Variants in SMAD9 observed in about 807,000 individuals in gnomAD.
SMAD9 encodes the protein MAD homolog 9.
A neutral mutation model predicts 46.1 loss-of-function variants in SMAD9; 36 were observed. The observed-to-expected ratio is 0.78, with a 90% CI of 0.60 to 1.03. SMAD9 has a LOEUF of 1.03. Ranked by LOEUF, SMAD9 falls within the 50% of genes least tolerant of loss-of-function variation. The pLI is 0.00. For missense variants in SMAD9, 572 were observed against 599.8 expected (o/e 0.95, Z 0.48); for synonymous variants, 245 against 237.1 (o/e 1.03, Z -0.31).
chr13:36,920,031 A>T (rs1239949003), intron 1 of SMAD9, 85 bp downstream of exon 1: 1 of 147,896 alleles, frequency 6.8e-6, no homozygotes, highest in African/African-American at 2.5e-5. Flanking sequence ...CGTGCCACTC[A>T]TCCCTCCCCC....
At position 36,845,579 on chromosome 13, in the gene SMAD9, T is replaced by G. The variant is rs2058034029; in HGVS notation, c.*3097A>C. On this transcript the variant is annotated 3_prime_UTR_variant, in exon 7 of 7. Transcript: ENST00000379826. ...GTGTGCTGCAGTGCTGATGTATTTATAGGCTTAGCATGTCTGCTTTATTAG... is the reference window on the plus strand; with the variant it reads ...GTGTGCTGCAGTGCTGATGTATTTAGAGGCTTAGCATGTCTGCTTTATTAG... The G allele has an allele frequency of 6.6e-6, 1 of 152,220 alleles. No homozygotes were observed. The highest frequency in any genetic ancestry group is 6.5e-5 in the Admixed American group (1 of 15,282). 9.4% of individuals were successfully genotyped at this position (152,220 alleles called of 1,614,324 possible).
At chr13:36,864,962 T>C (rs515221) in intron 5 of SMAD9, among the ~76,000 whole-genome samples, 33,703 of 152,074 alleles carry the variant, frequency 0.22, 4,773 homozygotes, top group African/African-American at 0.4. Context: ...TGGGATTTGC[T>C]ACCATCACTC....
upstream of SMAD9, chr13:36,920,698 A>G (rs1484358280): frequency 6.6e-6 from 1 of 152,348 alleles, no homozygotes; most frequent in Non-Finnish European, 1.5e-5. Context: ...CAACAAGAAT[A>G]TAGGATCACC....
Position 36,856,465 on chromosome 13 carries a change from C to T in SMAD9, c.1004-2790G>A, listed in dbSNP as rs1016383513. ...GAGCCTGGGCAGGTAGGCAGTCGTC[C>T]AGCATCCAGAGAGAGAAGAGCAGAG... On this transcript the variant is annotated intron_variant, in intron 5 of 6. Coordinates refer to ENST00000379826, the MANE Select transcript of SMAD9 (RefSeq NM_001127217.3). 3.4e-4 allele frequency among the ~76,000 whole-genome samples: 51 copies of T among 152,184 alleles called. 4 individuals carry two copies.
intron 3 of SMAD9, 134 bp from the exon 4 acceptor site, chr13:36,867,517 G>A (rs1293081610): frequency 3.6e-6 from 2 of 562,776 alleles, no homozygotes; most frequent in Non-Finnish European, 6.3e-6. Context: ...CCATATTAAT[G>A]TAACAAGGCT....
Position 36,848,555 on chromosome 13 carries a change from A to G in SMAD9, c.*121T>C. On this transcript the variant is annotated 3_prime_UTR_variant, in exon 7 of 7. Transcript: ENST00000379826. ...CAAACGGTGATTAAAAAAAATAAGA[A>G]CAGTATACATTCTATGTATTTACAC... 1 of 965,208 alleles carries G rather than the reference A, an allele frequency of 1.0e-6. No homozygotes were observed. Among genetic ancestry groups the G allele is most frequent in the Non-Finnish European group, 1.7e-6 (1 of 596,984 alleles). The allele number at this position is 965,208 out of a possible 1,614,324, so 59.8% of individuals were successfully genotyped here.
chr13:36,914,866 G>C (rs778709483), intron 1 of SMAD9, among the ~76,000 whole-genome samples: 63 of 152,328 alleles, frequency 4.1e-4, no homozygotes, highest in African/African-American at 1.4e-3. Context: ...CAAATCTGCT[G>C]TAAGCTTTCC....
rs554802536 is a variant in SMAD9 at position 36,883,922 on chromosome 13, C to T, written c.-186-4047G>A. ...TCATGCTGTCTCTCTGGACTTCACC[C>T]CCTCCTCATTTGCAGATCAAGACAA... On this transcript the variant is annotated intron_variant, in intron 1 of 6. Coordinates refer to ENST00000379826, the MANE Select transcript of SMAD9 (RefSeq NM_001127217.3). Among the ~76,000 whole-genome samples the T allele has an allele frequency of 1.2e-3, 185 of 152,196 alleles. No homozygotes were observed. The South Asian group carries it at 0.017, about 14-fold the overall frequency.
rs188997771 is a variant in SMAD9, at chr13:36,848,224, A to G, written c.*452T>C. ...TTTCTTGCCAACAGCACTAAAAGTG[A>G]CATCATTTAAACTGTAGGGGTTTCA... is the stretch of plus-strand genomic sequence containing the variant. On this transcript the variant is annotated 3_prime_UTR_variant, in exon 7 of 7. Transcript: ENST00000379826. The G allele has an allele frequency of 6.2e-6, 1 of 162,154 alleles. No individual in the cohort carries two copies. Among genetic ancestry groups the G allele is most frequent in the Admixed American group, 5.9e-5 (1 of 17,032 alleles). 10.0% of individuals were successfully genotyped at this position (162,154 alleles called of 1,614,324 possible). A position where few individuals can be genotyped will look rare whatever the true frequency, so the allele number is the denominator to read the frequency against.
intron 5 of SMAD9, among the ~76,000 whole-genome samples, chr13:36,864,512 C>A (rs1049876751): frequency 1.3e-5 from 2 of 152,174 alleles, no homozygotes; most frequent in Non-Finnish European, 2.9e-5. Context: ...CCCCTCCCCT[C>A]GACCCGTTTC....
At chr13:36,909,101 T>A (rs773422478) in intron 1 of SMAD9, among the ~76,000 whole-genome samples, 1 of 152,234 alleles carries the variant, frequency 6.6e-6, no homozygotes, top group Non-Finnish European at 1.5e-5. Context: ...TTGGATATCA[T>A]TTTTAAAGTT....
At chr13:36,913,785 A>G (rs1348618735) in intron 1 of SMAD9, among the ~76,000 whole-genome samples, 3 of 152,228 alleles carry the variant, frequency 2.0e-5, no homozygotes, top group African/African-American at 4.8e-5. Context: ...CTAGAAAACA[A>G]AGAATGACTA....
chr13:36,910,669 T>A (rs1032005994), intron 1 of SMAD9, among the ~76,000 whole-genome samples: 1 of 152,184 alleles, frequency 6.6e-6, no homozygotes, highest in African/African-American at 2.4e-5. Context: ...TGCAGCTCTA[T>A]CTTTCCTGCT....
chr13:36,879,036 G>A (rs943014159), intron 2 of SMAD9, among the ~76,000 whole-genome samples: 1 of 152,158 alleles, frequency 6.6e-6, no homozygotes, highest in African/African-American at 2.4e-5. Context: ...TTTGGATTGA[G>A]TGTTCCTGTG....
rs2058042400 is a variant in SMAD9, at chr13:36,847,064, GTAA to G, written c.*1609_*1611del. The G allele has an allele frequency of 2.6e-5, 4 of 152,132 alleles. No homozygotes were observed. Among genetic ancestry groups the G allele is most frequent in the African/African-American group, 7.2e-5 (3 of 41,430 alleles). The allele number at this position is 152,132 out of a possible 1,614,324, so 9.4% of individuals were successfully genotyped here. On this transcript the variant is annotated 3_prime_UTR_variant, in exon 7 of 7. Coordinates refer to ENST00000379826, the MANE Select transcript of SMAD9 (RefSeq NM_001127217.3). ...TATATTACATTTTTCAATGTAAAATGTAATAATTCTTTTCTATGTGTATATATG... is the reference window on the plus strand; with the variant it reads ...TATATTACATTTTTCAATGTAAAATGTAATTCTTTTCTATGTGTATATATG...
chr13:36,863,266 C>T (rs545148907), intron 5 of SMAD9, among the ~76,000 whole-genome samples: 7 of 152,310 alleles, frequency 4.6e-5, no homozygotes, highest in Middle Eastern at 3.4e-3. Context: ...TCCACCCACA[C>T]GCTTTATGGC....
intron 1 of SMAD9, among the ~76,000 whole-genome samples, chr13:36,917,383 T>G (rs1319958506): frequency 2.0e-5 from 3 of 148,202 alleles, no homozygotes; most frequent in Non-Finnish European, 3.0e-5. Context: ...TAAGTACTTA[T>G]GCATTTACTG....
intron 1 of SMAD9, among the ~76,000 whole-genome samples, chr13:36,888,266 G>A (rs897862422): frequency 1.3e-5 from 2 of 152,156 alleles, no homozygotes; most frequent in Non-Finnish European, 2.9e-5. Context: ...TGCTGTTCTC[G>A]TGATAATGAG....
intron 6 of SMAD9, 88 bp from the exon 7 acceptor site, chr13:36,848,907 C>G: frequency 7.4e-7 from 1 of 1,345,710 alleles, no homozygotes; most frequent in Non-Finnish European, 1.0e-6. Context: ...GGCACAGAGC[C>G]CACACCCCAG....
Sources: gnomAD v4.1 joint callset for allele counts (sites outside exome capture counted in the v4.1 genomes callset) on GRCh38, gnomAD v4.1.1 for gene constraint, MANE v1.5 for transcripts, NCBI Gene and HGNC (gene_info 2026-07-23, HGNC 2026-07-21) for gene names.